Variants in PPARGC1A observed in about 807,000 individuals in gnomAD.
PPARGC1A encodes the protein peroxisome proliferator-activated receptor gamma coactivator 1-alpha.
PPARGC1A carries 25 observed loss-of-function variants against 88.7 expected under a neutral mutation model. The ratio of observed to expected loss-of-function variants is 0.28; its 90% CI spans 0.21 to 0.39. The LOEUF (loss-of-function observed/expected upper bound fraction) is 0.39. Ranked by LOEUF, PPARGC1A falls within the 10% of genes least tolerant of loss-of-function variation. The pLI is 1.00. For synonymous variants in PPARGC1A, 363 were observed against 355.6 expected, an observed-to-expected ratio of 1.02 and a Z score of -0.24; for missense variants, 880 against 968.7, an observed-to-expected ratio of 0.91 and a Z score of 1.22.
the PPARGC1A span, among the ~76,000 whole-genome samples, chr4:23,932,456 G>GT: frequency 1.3e-5 from 2 of 152,168 alleles, no homozygotes; most frequent in African/African-American, 4.8e-5. Context: ...AAGCTCAGGA[G>GT]TGCCCCTACT....
the PPARGC1A span, among the ~76,000 whole-genome samples, chr4:24,038,723 C>A: frequency 6.6e-6 from 1 of 152,044 alleles, no homozygotes; most frequent in Non-Finnish European, 1.5e-5. Flanking sequence ...CCTCTTCAGT[C>A]GTGTTTATGA....
At chr4:24,049,130 G>A in the PPARGC1A span, among the ~76,000 whole-genome samples, 2 of 150,992 alleles carry the variant, frequency 1.3e-5, no homozygotes, top group South Asian at 4.2e-4. Context: ...ACACATACAT[G>A]TGTGTGCGTA....
chr4:24,387,813 A>T, the PPARGC1A span, among the ~76,000 whole-genome samples: 1 of 113,100 alleles, frequency 8.8e-6, no homozygotes, highest in Non-Finnish European at 2.0e-5. Context: ...AGAAAGAAAG[A>T]AAGAAAGAAA....
chr4:24,438,231 T>C, the PPARGC1A span, among the ~76,000 whole-genome samples: 1 of 152,040 alleles, frequency 6.6e-6, no homozygotes, highest in Non-Finnish European at 1.5e-5. Flanking sequence ...GGGTTTCACC[T>C]CACACAACAG....
At chr4:24,313,515 T>C in the PPARGC1A span, among the ~76,000 whole-genome samples, 2 of 152,224 alleles carry the variant, frequency 1.3e-5, no homozygotes, top group Non-Finnish European at 2.9e-5. Flanking sequence ...AAGTTACATT[T>C]CTACTGTGGT....
chr4:24,038,803 C>A, the PPARGC1A span, among the ~76,000 whole-genome samples: 8 of 152,134 alleles, frequency 5.3e-5, no homozygotes, highest in Admixed American at 1.3e-4. Flanking sequence ...TAAGTGCATA[C>A]CAGACACTAC....
chr4:24,051,755 G>T, the PPARGC1A span, among the ~76,000 whole-genome samples: 56 of 152,182 alleles, frequency 3.7e-4, no homozygotes, highest in South Asian at 1.0e-3. Context: ...AATTAGTGTG[G>T]CTTAAATAAC....
intron 2 of PPARGC1A, among the ~76,000 whole-genome samples, chr4:23,835,466 T>TTGTGTGTGTGTGTGTGTGTGTG (rs145407468): frequency 8.9e-5 from 12 of 135,296 alleles, no homozygotes; most frequent in Non-Finnish European, 4.8e-5. Flanking sequence ...GCATGGCGGC[T>TTGTGTGTGTGTGTGTGTGTGTG]TGTGTGTGTG....
At chr4:24,037,888 C>T in the PPARGC1A span, among the ~76,000 whole-genome samples, 1 of 152,176 alleles carries the variant, frequency 6.6e-6, no homozygotes, top group South Asian at 2.1e-4. Context: ...CCCATACCCA[C>T]CAGAGCTTAG....
At chr4:24,059,059 A>G in the PPARGC1A span, among the ~76,000 whole-genome samples, 4 of 152,154 alleles carry the variant, frequency 2.6e-5, no homozygotes, top group Admixed American at 2.6e-4. Flanking sequence ...GTGGTGTTTT[A>G]CCAATGAAAC....
At chr4:24,104,513 G>A in the PPARGC1A span, among the ~76,000 whole-genome samples, 1 of 152,144 alleles carries the variant, frequency 6.6e-6, no homozygotes, top group Non-Finnish European at 1.5e-5. Context: ...CAAAGCAAAG[G>A]GAGAAGAGGG....
chr4:24,260,711 C>T, the PPARGC1A span, among the ~76,000 whole-genome samples: 1 of 151,646 alleles, frequency 6.6e-6, no homozygotes, highest in African/African-American at 2.4e-5. Flanking sequence ...TCACCCCCTA[C>T]AACATGTCTT....
chr4:24,437,055 GAAACTCC>G, the PPARGC1A span, among the ~76,000 whole-genome samples: 86 of 152,378 alleles, frequency 5.6e-4, no homozygotes, highest in African/African-American at 1.9e-3. Context: ...CATTAGATGT[GAAACTCC>G]AAACCTGAAA....
the PPARGC1A span, among the ~76,000 whole-genome samples, chr4:24,054,575 CGAGT>C: frequency 6.6e-6 from 1 of 152,082 alleles, no homozygotes; most frequent in Non-Finnish European, 1.5e-5. Flanking sequence ...GATATCTTTT[CGAGT>C]GAGTAAAAAT....
the PPARGC1A span, among the ~76,000 whole-genome samples, chr4:24,213,141 G>A: frequency 6.6e-6 from 1 of 150,454 alleles, no homozygotes; most frequent in African/African-American, 2.4e-5. Flanking sequence ...GTCTCAGCTG[G>A]TCAGGGCACA....
chr4:23,839,569 A>C (rs1350822152), intron 2 of PPARGC1A, among the ~76,000 whole-genome samples: 1 of 152,186 alleles, frequency 6.6e-6, no homozygotes, highest in Non-Finnish European at 1.5e-5. Context: ...ACATGTCCTC[A>C]AGTGAAACAA....
At chr4:24,194,622 A>ATG in the PPARGC1A span, among the ~76,000 whole-genome samples, 3 of 38,576 alleles carry the variant, frequency 7.8e-5, no homozygotes, top group African/African-American at 2.0e-4. Flanking sequence ...ACGCGCGCGC[A>ATG]CGCGCGCGCA....
At chr4:24,112,182 A>G in the PPARGC1A span, among the ~76,000 whole-genome samples, 1 of 152,192 alleles carries the variant, frequency 6.6e-6, no homozygotes, top group African/African-American at 2.4e-5. Flanking sequence ...ATTGTCAGCC[A>G]AGGAATATAA....
At chr4:24,289,854 A>G in the PPARGC1A span, among the ~76,000 whole-genome samples, 1 of 152,038 alleles carries the variant, frequency 6.6e-6, no homozygotes, top group Non-Finnish European at 1.5e-5. Context: ...CTGTTCTCAC[A>G]CTGCTAATAA....
Sources: allele counts gnomAD v4.1 joint callset (sites outside exome capture counted in the v4.1 genomes callset), GRCh38; gene constraint gnomAD v4.1.1; transcripts MANE v1.5; gene names NCBI Gene and HGNC (gene_info 2026-07-23, HGNC 2026-07-21).